DLC1: variants seen among roughly 807,000 people sequenced by gnomAD.
DLC1 encodes the protein rho GTPase-activating protein 7.
A neutral mutation model predicts 140.3 loss-of-function variants in DLC1; 54 were observed. The observed-to-expected ratio is 0.38, with a 90% confidence interval of 0.31 to 0.48. The LOEUF (loss-of-function observed/expected upper bound fraction) is 0.48, where lower values mean the gene tolerates loss of function less well. Among genes scored for constraint, DLC1 ranks in the 20% least tolerant of loss-of-function variants. The probability of loss-of-function intolerance (pLI) is 0.96; values close to 1 mark genes in which losing one functional copy is unlikely to be tolerated. For missense variants in DLC1, 2,536 were observed against 1,907.0 expected, an observed-to-expected ratio of 1.33 and a Z score of -6.14; for synonymous variants, 986 against 728.1, an observed-to-expected ratio of 1.35 and a Z score of -5.70.
chr8:13,138,831 A>C (rs559144580), intron 5 of DLC1, among the ~76,000 whole-genome samples: 2 of 152,296 alleles, frequency 1.3e-5, no homozygotes, highest in Non-Finnish European at 2.9e-5. Flanking sequence ...ATGAAGAAAG[A>C]GGAGAATAAT....
intron 5 of DLC1, among the ~76,000 whole-genome samples, chr8:13,250,016 A>G (rs1388747826): frequency 3.9e-5 from 6 of 152,174 alleles, no homozygotes; most frequent in African/African-American, 9.7e-5. Flanking sequence ...GGCCACTTCC[A>G]TCACTGACGT....
At chr8:13,531,593 A>C (rs991213124) in intron 1 of DLC1, among the ~76,000 whole-genome samples, 1 of 150,332 alleles carries the variant, frequency 6.7e-6, no homozygotes, top group Non-Finnish European at 1.5e-5. Flanking sequence ...AAAAACAAAC[A>C]AACCAAAAAA....
In DLC1 at chr8:13,273,531, T is replaced by G. The variant is rs1831036119; in HGVS notation, c.1348+31738A>C. On this transcript the variant is annotated intron_variant, in intron 5 of 17. Coordinates refer to ENST00000276297, the MANE Select transcript of DLC1 (RefSeq NM_182643.3). Reference sequence around the variant, plus strand: ...GTCCTTCCTCACAAACTGAAGGCCTTTTCCTGGCAACAATTCTGTATATTG... The same window carrying G: ...GTCCTTCCTCACAAACTGAAGGCCTGTTCCTGGCAACAATTCTGTATATTG... Among the ~76,000 whole-genome samples, 8 of 152,132 alleles carry G rather than the reference T, an allele frequency of 5.3e-5. No homozygotes were observed. The South Asian group carries it at 1.7e-3, about 32-fold the overall frequency.
chr8:13,305,827 A>G (rs1832395854), intron 4 of DLC1, among the ~76,000 whole-genome samples: 1 of 152,156 alleles, frequency 6.6e-6, no homozygotes, highest in Non-Finnish European at 1.5e-5. Flanking sequence ...ACACAGTCAG[A>G]CCCCATCGCA....
intron 1 of DLC1, among the ~76,000 whole-genome samples, chr8:13,540,563 A>G (rs886246846): frequency 3.9e-5 from 6 of 152,238 alleles, no homozygotes; most frequent in African/African-American, 1.4e-4. Context: ...GTGTCTGCGC[A>G]GACTGTAGGC....
chr8:13,091,442 A>T lies in DLC1; in HGVS notation c.3741-10T>A, dbSNP rs609020. 2 of 1,610,370 alleles carry T rather than the reference A, an allele frequency of 1.2e-6. No homozygotes were observed. The highest frequency in any genetic ancestry group is 1.1e-5 in the South Asian group (1 of 90,818). On this transcript the variant is annotated splice_polypyrimidine_tract_variant and intron_variant, in intron 13 of 17. Transcript: ENST00000276297. Reference sequence around the variant, plus strand: ...TTTTCTTTGCATTACCCTAGGTAGAAGAAATACAGGAGGGGAACAGTTCAA... The same window carrying T: ...TTTTCTTTGCATTACCCTAGGTAGATGAAATACAGGAGGGGAACAGTTCAA...
intron 5 of DLC1, chr8:13,116,025 T>G: frequency 1.9e-6 from 1 of 527,430 alleles, no homozygotes; most frequent in East Asian, 1.2e-4. Flanking sequence ...CCTATTGTAC[T>G]ACTTTTCACT....
intron 5 of DLC1, among the ~76,000 whole-genome samples, chr8:13,233,972 G>A (rs1829169124): frequency 6.6e-6 from 1 of 152,158 alleles, no homozygotes; most frequent in African/African-American, 2.4e-5. Flanking sequence ...CGAGCTACAA[G>A]AAGCAAGTGT....
Position 13,567,718 on chromosome 8 carries a change from CG to C in DLC1, c.-126+36818del, listed in dbSNP as rs772607328. 6.2e-5 allele frequency: 96 copies of C among 1,551,998 alleles called. No individual in the cohort carries two copies. The African/African-American group carries it at 1.2e-3, about 20-fold the overall frequency. ...TCTTCATACCAAAGACTTTCTCACCCGTATTGGAGAAGCACATCAAGACTTT... is the reference window on the plus strand; with the variant it reads ...TCTTCATACCAAAGACTTTCTCACCCTATTGGAGAAGCACATCAAGACTTT... On this transcript the variant is annotated intron_variant, in intron 1 of 1. Coordinates refer to the DLC1 transcript ENST00000631382.
chr8:13,516,617 C>T (rs1342433270), upstream of DLC1, among the ~76,000 whole-genome samples: 2 of 152,120 alleles, frequency 1.3e-5, no homozygotes, highest in African/African-American at 4.8e-5. Context: ...AACGTTTGGT[C>T]AGAAGCAGCT....
chr8:13,229,970 C>T (rs1828969133), intron 5 of DLC1, among the ~76,000 whole-genome samples: 1 of 152,170 alleles, frequency 6.6e-6, no homozygotes, highest in Admixed American at 6.5e-5. Flanking sequence ...AACTAAATAA[C>T]ACGTTGGATA....
chr8:13,358,249 T>G lies in DLC1; in HGVS notation c.1314+35304A>C, dbSNP rs557996282. Among the ~76,000 whole-genome samples the G allele has an allele frequency of 3.2e-4, 48 of 152,330 alleles. 1 individual carries two copies. Among genetic ancestry groups the G allele is most frequent in the African/African-American group, 1.2e-3 (48 of 41,586 alleles). On this transcript the variant is annotated intron_variant, in intron 4 of 17. Coordinates refer to ENST00000276297, the MANE Select transcript of DLC1 (RefSeq NM_182643.3). ...TTCTTTTCCATCCTACAAACACGCA[T>G]AAAAATACACATACAAAATGTTTTC... is the stretch of plus-strand genomic sequence containing the variant.
At chr8:13,177,443 T>C (rs907659633) in intron 5 of DLC1, among the ~76,000 whole-genome samples, 4 of 152,208 alleles carry the variant, frequency 2.6e-5, no homozygotes, top group African/African-American at 9.6e-5. Context: ...GTTATTTAAA[T>C]ATAGCACTTC....
intron 4 of DLC1, among the ~76,000 whole-genome samples, chr8:13,352,032 C>G (rs137915059): frequency 1.3e-5 from 2 of 152,336 alleles, no homozygotes; most frequent in African/African-American, 4.8e-5. Flanking sequence ...CGGTGCCCAG[C>G]CATATGTCTC....
At chr8:13,211,900 A>G (rs190115868) in intron 5 of DLC1, among the ~76,000 whole-genome samples, 15 of 152,296 alleles carry the variant, frequency 9.8e-5, no homozygotes, top group Admixed American at 6.5e-4. Context: ...TGTGTATTGT[A>G]TATGTCAGCA....
At chr8:13,273,939 G>C (rs931336138) in intron 5 of DLC1, among the ~76,000 whole-genome samples, 3 of 152,094 alleles carry the variant, frequency 2.0e-5, no homozygotes, top group Non-Finnish European at 4.4e-5. Flanking sequence ...TAACATTCTA[G>C]CTACTATTAA....
rs7836469 is a variant in DLC1, at chr8:13,577,317, T to G, written c.-126+27220A>C. Among the ~76,000 whole-genome samples the G allele has an allele frequency of 8.9e-3, 1,349 of 152,308 alleles. 23 individuals are homozygous for G. Among genetic ancestry groups the G allele is most frequent in the African/African-American group, 0.031 (1,268 of 41,560 alleles). ...CAAGCCTATTTTACATGACAAGGAC[T>G]CCATCTAATTACAGCTTATTATGCG... On this transcript the variant is annotated intron_variant, in intron 1 of 1. Coordinates refer to the DLC1 transcript ENST00000631382.
intron 4 of DLC1, 55 bp from the exon 5 acceptor site, chr8:13,305,357 A>G (rs1832378361): frequency 6.6e-7 from 1 of 1,511,518 alleles, no homozygotes; most frequent in South Asian, 1.3e-5. Flanking sequence ...ATCAGAAAGC[A>G]TCATTAGAAA....
intron 2 of DLC1, among the ~76,000 whole-genome samples, chr8:13,491,042 A>T (rs1801213432): frequency 6.8e-6 from 1 of 147,862 alleles, no homozygotes; most frequent in Non-Finnish European, 1.5e-5. Context: ...ATAAATTTAG[A>T]ATATATATTC....
Sources: gnomAD v4.1 joint callset for allele counts (sites outside exome capture counted in the v4.1 genomes callset) on GRCh38, gnomAD v4.1.1 for gene constraint, MANE v1.5 for transcripts, NCBI Gene and HGNC (gene_info 2026-07-23, HGNC 2026-07-21) for gene names.